The following WWOX variants were observed in gnomAD, a reference collection of about 807,000 sequenced individuals.
WWOX encodes WW domain-containing oxidoreductase.
A neutral mutation model predicts 46.2 loss-of-function variants in WWOX; 69 were observed. The observed-to-expected ratio is 1.49, with a 90% CI of 1.23 to 1.82. The LOEUF (loss-of-function observed/expected upper bound fraction) is 1.82, where lower values mean the gene tolerates loss of function less well. Among genes scored for constraint, WWOX ranks in the 40% most tolerant of loss-of-function variants. The pLI is 0.00. For synonymous variants in WWOX, 359 were observed against 202.6 expected (o/e 1.77, Z -6.56); for missense variants, 919 against 542.6 (o/e 1.69, Z -6.89).
rs573240949 is a variant in WWOX, at chr16:79,061,076, A to T, written c.1057-150532A>T. On this transcript the variant is annotated intron_variant, in intron 8 of 8. Transcript: ENST00000566780. Reference sequence around the variant, plus strand: ...TCATACCACACAGCCTCTCGAAGGGACGTGCCCCTTGAACGCAAGAGAGGT... The same window carrying T: ...TCATACCACACAGCCTCTCGAAGGGTCGTGCCCCTTGAACGCAAGAGAGGT... Among the ~76,000 whole-genome samples the T allele has an allele frequency of 1.4e-4, 22 of 152,290 alleles. No individual in the cohort carries two copies. The South Asian group carries it at 4.6e-3, about 32-fold the overall frequency.
chr16:78,819,092 A>T (rs1020445973), intron 8 of WWOX, among the ~76,000 whole-genome samples: 1 of 152,222 alleles, frequency 6.6e-6, no homozygotes. Context: ...TCAGGTGTTC[A>T]TTCCACAGAA....
At chr16:78,324,912 C>G (rs964758332) in intron 5 of WWOX, among the ~76,000 whole-genome samples, 2 of 152,116 alleles carry the variant, frequency 1.3e-5, no homozygotes, top group African/African-American at 4.8e-5. Flanking sequence ...ATGGGTGAAT[C>G]GTATGGTATG....
chr16:78,099,699 C>G lies in WWOX; in HGVS notation c.-80C>G, dbSNP rs552647172. 1.4e-5 allele frequency: 21 copies of G among 1,464,648 alleles called. No homozygotes were observed. The highest frequency in any genetic ancestry group is 1.7e-5 in the Non-Finnish European group (19 of 1,107,712). The allele number at this position is 1,464,648 out of a possible 1,614,324, so 90.7% of individuals were successfully genotyped here. A position where few individuals can be genotyped will look rare whatever the true frequency, so the allele number is the denominator to read the frequency against. On this transcript the variant is annotated 5_prime_UTR_variant, in exon 1 of 9. Coordinates refer to ENST00000566780, the MANE Select transcript of WWOX (RefSeq NM_016373.4). ...GTCGGGCCCCGACGCGCGCGGGTCT[C>G]GTTTGGAGCGGGAGTGAGTTCCTGA...
In WWOX at chr16:79,012,274, C is replaced by T. The variant is rs78454671; in HGVS notation, c.1057-199334C>T. ...TTGAGATGGAGCCTCGCTCTGTCAC[C>T]TAGGCTAGAGTGCAGTGGTGCAATC... On this transcript the variant is annotated intron_variant, in intron 8 of 8. Coordinates refer to ENST00000566780, the MANE Select transcript of WWOX (RefSeq NM_016373.4). 7.0e-3 allele frequency among the ~76,000 whole-genome samples: 1,066 copies of T among 152,210 alleles called. 31 individuals carry two copies. In the South Asian group the frequency reaches 0.082, roughly 12 times the overall value.
At position 78,469,121 on chromosome 16, in the gene WWOX, G is replaced by C. The variant is rs74717911; in HGVS notation, c.1056+36369G>C. On this transcript the variant is annotated intron_variant, in intron 8 of 8. Transcript: ENST00000566780. The stretch of plus-strand genomic sequence containing the variant: ...AAATGCCATTGAGTCAGATTTCAGA[G>C]GCAAATGGTGATACCTCAGGTTTGA... Among the ~76,000 whole-genome samples, 89 of 152,278 alleles carry C rather than the reference G, an allele frequency of 5.8e-4. No homozygotes were observed. The East Asian group carries it at 0.011, about 19-fold the overall frequency.
chr16:78,938,440 A>C (rs2045786758), intron 8 of WWOX, among the ~76,000 whole-genome samples: 1 of 151,374 alleles, frequency 6.6e-6, no homozygotes, highest in Admixed American at 6.6e-5. Context: ...TGTGTGAGAC[A>C]GTGAAACCCT....
intron 8 of WWOX, among the ~76,000 whole-genome samples, chr16:78,473,220 C>T (rs1012650128): frequency 3.3e-5 from 5 of 152,278 alleles, no homozygotes; most frequent in Non-Finnish European, 7.3e-5. Context: ...GCCTGCATCT[C>T]CCACGTTCAA....
intron 7 of WWOX, 36 bp downstream of exon 7, chr16:78,425,091 T>A: frequency 6.2e-7 from 1 of 1,610,616 alleles, no homozygotes; most frequent in Non-Finnish European, 8.5e-7. Flanking sequence ...ACTTATCCCC[T>A]TTCTCATACC....
At chr16:78,548,443 A>C (rs1597248940) in intron 8 of WWOX, among the ~76,000 whole-genome samples, 1 of 152,318 alleles carries the variant, frequency 6.6e-6, no homozygotes, top group Admixed American at 6.5e-5. Flanking sequence ...TTTTAATCTA[A>C]AGACATCCTA....
intron 5 of WWOX, among the ~76,000 whole-genome samples, chr16:78,304,946 CTCTTTT>C (rs1047670371): frequency 1.3e-5 from 2 of 150,230 alleles, no homozygotes; most frequent in African/African-American, 2.5e-5. Context: ...TCCCTTCTTC[CTCTTTT>C]TTTTTCTTTT....
chr16:78,764,417 A>T (rs2049877294), intron 8 of WWOX, among the ~76,000 whole-genome samples: 1 of 151,030 alleles, frequency 6.6e-6, no homozygotes, highest in Middle Eastern at 3.2e-3. Flanking sequence ...TCTTGTTGGA[A>T]GGGAAATTGG....
chr16:78,270,013 T>C (rs1356651122), intron 5 of WWOX, among the ~76,000 whole-genome samples: 2 of 150,594 alleles, frequency 1.3e-5, no homozygotes, highest in Admixed American at 6.6e-5. Flanking sequence ...TAAAGATACT[T>C]TTTCAGCAGA....
intron 8 of WWOX, 98 bp from the exon 9 acceptor site, chr16:79,211,510 G>A: frequency 1.3e-6 from 2 of 1,507,708 alleles, no homozygotes; most frequent in East Asian, 2.3e-5. Flanking sequence ...AACTGAACCA[G>A]GTGGGGGAGG....
chr16:78,134,600 T>G (rs1191439686), intron 4 of WWOX, among the ~76,000 whole-genome samples: 6 of 152,204 alleles, frequency 3.9e-5, no homozygotes, highest in South Asian at 2.1e-4. Context: ...ATTATAGTAT[T>G]TAAGCTCTTG....
At chr16:78,934,658 GAGGATCTTC>G (rs1349116947) in intron 8 of WWOX, among the ~76,000 whole-genome samples, 2 of 152,102 alleles carry the variant, frequency 1.3e-5, no homozygotes, top group South Asian at 2.1e-4. Context: ...GGTCTTTGTG[GAGGATCTTC>G]AGGATCTTCA....
chr16:78,804,229 C>T (rs1246498356), intron 8 of WWOX, among the ~76,000 whole-genome samples: 2 of 152,128 alleles, frequency 1.3e-5, no homozygotes, highest in African/African-American at 4.8e-5. Context: ...CCCCTGAACA[C>T]AGTGCGCCCT....
At chr16:78,100,302 G>C (rs866265000) in intron 1 of WWOX, 1 of 1,014,468 alleles carries the variant, frequency 9.9e-7, no homozygotes, top group African/African-American at 1.8e-5. Context: ...ATCCAGGCTG[G>C]AGTGCAGGGG....
At chr16:78,734,807 C>T (rs141885370) in intron 8 of WWOX, among the ~76,000 whole-genome samples, 1,433 of 140,470 alleles carry the variant, frequency 0.01, 21 homozygotes, top group African/African-American at 0.036. Context: ...AAGAGAACTC[C>T]TTCTGCCTGA....
chr16:79,050,355 C>G (rs1414799185), intron 8 of WWOX, among the ~76,000 whole-genome samples: 1 of 152,184 alleles, frequency 6.6e-6, no homozygotes, highest in Admixed American at 6.5e-5. Context: ...CCACATGTCT[C>G]TCATCTTCCT....
Sources: allele counts gnomAD v4.1 joint callset (sites outside exome capture counted in the v4.1 genomes callset), GRCh38; gene constraint gnomAD v4.1.1; transcripts MANE v1.5; gene names NCBI Gene and HGNC (gene_info 2026-07-23, HGNC 2026-07-21).